Variants in SMCO2 observed in about 807,000 individuals in gnomAD.
SMCO2 encodes single-pass membrane protein with coiled-coil domains 2.
SMCO2 carries 25 observed loss-of-function variants against 29.5 expected under a neutral mutation model. The ratio of observed to expected loss-of-function variants is 0.85; its 90% CI spans 0.62 to 1.18. The LOEUF (loss-of-function observed/expected upper bound fraction) is 1.18. SMCO2 is among the 50% of genes most tolerant of loss of function. SMCO2 has a pLI of 0.00. For missense variants in SMCO2, 348 were observed against 344.5 expected (o/e 1.01, Z -0.08); for synonymous variants, 117 against 123.3 (o/e 0.95, Z 0.34).
intron 3 of SMCO2, chr12:27,473,083 A>G (rs1380394920): frequency 2.1e-6 from 1 of 484,572 alleles, no homozygotes; most frequent in South Asian, 3.2e-5. Flanking sequence ...TGAAGGACTT[A>G]CTAGCCTTCC....
intron 4 of SMCO2, among the ~76,000 whole-genome samples, chr12:27,484,863 AAAAAAAAAATATATAT>A (rs1312818160): frequency 0.05 from 6,377 of 127,146 alleles, 516 homozygotes; most frequent in African/African-American, 0.19. Context: ...AAAAAAAAAA[AAAAAAAAAATATATAT>A]ATATATATAT....
intron 7 of SMCO2, among the ~76,000 whole-genome samples, chr12:27,500,349 T>C (rs1943061885): frequency 6.7e-6 from 1 of 149,990 alleles, no homozygotes; most frequent in African/African-American, 2.5e-5. Flanking sequence ...ATACTCTAAA[T>C]GTAGGGAAAA....
chr12:27,469,644 A>T (rs1195631594), intron 1 of SMCO2, among the ~76,000 whole-genome samples: 1 of 152,288 alleles, frequency 6.6e-6, no homozygotes, highest in East Asian at 1.9e-4. Flanking sequence ...TCACTTGAAT[A>T]TACAGAAGAG....
chr12:27,492,073 C>T (rs1385927506), intron 5 of SMCO2, among the ~76,000 whole-genome samples: 3 of 152,150 alleles, frequency 2.0e-5, no homozygotes, highest in Non-Finnish European at 2.9e-5. Context: ...AAATATCCTC[C>T]TCCCTTAAAG....
chr12:27,481,084 A>G (rs1949638822), intron 4 of SMCO2, among the ~76,000 whole-genome samples: 1 of 152,120 alleles, frequency 6.6e-6, no homozygotes, highest in African/African-American at 2.4e-5. Flanking sequence ...TGGCATGGTG[A>G]TACTGCAGCT....
the SMCO2 span, among the ~76,000 whole-genome samples, chr12:27,428,030 CT>C: frequency 6.6e-6 from 1 of 152,124 alleles, no homozygotes; most frequent in African/African-American, 2.4e-5. Flanking sequence ...GATTGCAGAA[CT>C]AGTTGAACCG....
At chr12:27,492,052 A>G (rs1265395130) in intron 5 of SMCO2, among the ~76,000 whole-genome samples, 1 of 152,186 alleles carries the variant, frequency 6.6e-6, no homozygotes, top group Non-Finnish European at 1.5e-5. Context: ...ATGATTTCAT[A>G]TAAAAATGAA....
chr12:27,469,803 T>C (rs538274772), intron 1 of SMCO2, among the ~76,000 whole-genome samples: 1 of 152,316 alleles, frequency 6.6e-6, no homozygotes, highest in South Asian at 2.1e-4. Flanking sequence ...TTCCGTTATT[T>C]TTCACACTAC....
At position 27,495,560 on chromosome 12, in the gene SMCO2, G is replaced by A. The variant is rs532775194; in HGVS notation, c.508-120G>A. 210 of 864,456 alleles carry A rather than the reference G, an allele frequency of 2.4e-4. 11 individuals carry two copies. The African/African-American group carries it at 3.3e-3, about 14-fold the overall frequency. 53.5% of individuals were successfully genotyped at this position (864,456 alleles called of 1,614,324 possible). A position where few individuals can be genotyped will look rare whatever the true frequency, so the allele number is the denominator to read the frequency against. ...CCAATGATCTGTTCATGGGACCTAT[G>A]TGTGATTTCTAATGTGGGCCCCCAA... On this transcript the variant is annotated intron_variant, in intron 6 of 7. Coordinates refer to ENST00000298876, the Ensembl canonical transcript of SMCO2.
intron 7 of SMCO2, chr12:27,497,931 G>T (rs182596689): frequency 6.0e-6 from 2 of 333,332 alleles, no homozygotes; most frequent in Non-Finnish European, 1.2e-5. Context: ...AGAGTCTCCC[G>T]TGCTGGATTT....
At chr12:27,467,798 G>C (rs1262065332) in intron 1 of SMCO2, among the ~76,000 whole-genome samples, 1 of 152,088 alleles carries the variant, frequency 6.6e-6, no homozygotes, top group African/African-American at 2.4e-5. Context: ...TTCTTCCTCT[G>C]ATAAAATAGA....
At chr12:27,493,386 G>T (rs1033089648) in intron 5 of SMCO2, among the ~76,000 whole-genome samples, 4 of 152,038 alleles carry the variant, frequency 2.6e-5, no homozygotes, top group African/African-American at 9.7e-5. Flanking sequence ...TAAAAAACTA[G>T]CTGGGCATGG....
At chr12:27,462,456 C>T (rs535489297), upstream of SMCO2, among the ~76,000 whole-genome samples, 14 of 152,280 alleles carry the variant, frequency 9.2e-5, no homozygotes, top group South Asian at 1.9e-3. Flanking sequence ...CTCTTTCTCC[C>T]GGAGGTCAAA....
chr12:27,468,418 G>A lies in SMCO2; in HGVS notation c.-11+1443G>A, dbSNP rs540260259. On this transcript the variant is annotated intron_variant, in intron 1 of 7. Coordinates refer to ENST00000298876, the Ensembl canonical transcript of SMCO2. ...GATTTGTAAAGGAATGGGTGTGGCT[G>A]TGTTGCAATAAAATGTCATTTCTAG... is the stretch of plus-strand genomic sequence containing the variant. 2.6e-5 allele frequency among the ~76,000 whole-genome samples: 4 copies of A among 152,376 alleles called. No individual in the cohort carries two copies. In the South Asian group the frequency reaches 8.3e-4, roughly 32 times the overall value.
At chr12:27,489,282 C>G (rs990940735) in intron 5 of SMCO2, among the ~76,000 whole-genome samples, 4 of 152,128 alleles carry the variant, frequency 2.6e-5, no homozygotes, top group Non-Finnish European at 4.4e-5. Context: ...CTCCTGGTCT[C>G]AAGGAATCTG....
chr12:27,427,815 T>A, the SMCO2 span, among the ~76,000 whole-genome samples: 1 of 152,204 alleles, frequency 6.6e-6, no homozygotes, highest in Admixed American at 6.5e-5. Flanking sequence ...ATAAAGAGTT[T>A]CATAAACGCA....
At chr12:27,436,290 A>AATTGTGATGG in the SMCO2 span, among the ~76,000 whole-genome samples, 1 of 152,214 alleles carries the variant, frequency 6.6e-6, no homozygotes, top group Non-Finnish European at 1.5e-5. Flanking sequence ...CAGTATTAAC[A>AATTGTGATGG]ACACAAAGGT....
intron 5 of SMCO2, among the ~76,000 whole-genome samples, chr12:27,488,867 T>G (rs1949711502): frequency 6.6e-6 from 1 of 152,122 alleles, no homozygotes; most frequent in South Asian, 2.1e-4. Context: ...AGAGAATACA[T>G]CCAGGAAATA....
chr12:27,449,506 C>G, the SMCO2 span, among the ~76,000 whole-genome samples: 1 of 152,188 alleles, frequency 6.6e-6, no homozygotes, highest in Non-Finnish European at 1.5e-5. Context: ...AAGAGACTGA[C>G]AGAAGGGAGT....
Sources: gnomAD v4.1 joint callset for allele counts (sites outside exome capture counted in the v4.1 genomes callset) on GRCh38, gnomAD v4.1.1 for gene constraint, MANE v1.5 for transcripts, NCBI Gene and HGNC (gene_info 2026-07-23, HGNC 2026-07-21) for gene names.